DNAH1: variants seen among roughly 807,000 people sequenced by gnomAD.
DNAH1 encodes the protein axonemal beta dynein heavy chain 1.
A neutral mutation model predicts 484.3 loss-of-function variants in DNAH1; 327 were observed. The ratio of observed to expected loss-of-function variants is 0.68; its 90% CI spans 0.62 to 0.74. The LOEUF is 0.74. DNAH1 is among the 30% of genes least tolerant of loss of function. DNAH1 has a pLI of 0.00. For synonymous variants in DNAH1, 2,192 were observed against 2,191.9 expected (o/e 1.00, Z 0.00); for missense variants, 5,052 against 5,546.8 (o/e 0.91, Z 2.83).
intron 12 of DNAH1, 115 bp downstream of exon 12, chr3:52,348,089 G>A: frequency 1.8e-6 from 2 of 1,102,696 alleles, no homozygotes; most frequent in Non-Finnish European, 2.6e-6. Flanking sequence ...TGTCGGGCAG[G>A]CAGCATGCTC....
chr3:52,352,215 G>A, intron 17 of DNAH1, 112 bp downstream of exon 17: 12 of 1,407,764 alleles, frequency 8.5e-6, no homozygotes, highest in Non-Finnish European at 1.2e-5. Flanking sequence ...GTCAACATGT[G>A]ATGGGCGGGC....
At position 52,358,433 on chromosome 3, in the gene DNAH1, G is replaced by A. The variant is rs535732483; in HGVS notation, c.4087-125G>A. 1 of 1,057,722 alleles carries A rather than the reference G, an allele frequency of 9.5e-7. No homozygotes were observed. Among genetic ancestry groups the A allele is most frequent in the East Asian group, 2.7e-5 (1 of 36,516 alleles). The allele number at this position is 1,057,722 out of a possible 1,614,324, so 65.5% of individuals were successfully genotyped here. On this transcript the variant is annotated intron_variant, in intron 24 of 77. Transcript: ENST00000420323. The surrounding 1 kb of genome is among the most constrained non-coding windows in gnomAD (Gnocchi z 4.2). ...CCCAGCCAAGATAGACTCTCGGGGGGACGGGAAGGCAGGGCTTTCTTCTTG... is the reference window on the plus strand; with the variant it reads ...CCCAGCCAAGATAGACTCTCGGGGGAACGGGAAGGCAGGGCTTTCTTCTTG...
At position 52,353,876 on chromosome 3, in the gene DNAH1, T is replaced by C; in HGVS notation, c.3480+243T>C. The C allele has an allele frequency of 1.8e-6, 1 of 547,758 alleles. No individual in the cohort carries two copies. Among genetic ancestry groups the C allele is most frequent in the Non-Finnish European group, 3.2e-6 (1 of 310,834 alleles). The allele number at this position is 547,758 out of a possible 1,614,324, so 33.9% of individuals were successfully genotyped here. A position where few individuals can be genotyped will look rare whatever the true frequency, so the allele number is the denominator to read the frequency against. ...CCTCTCAAGAGCCCCAGGAAGGAGC[T>C]AATAGCATTAGCCTCAATTTAACAG... is the stretch of plus-strand genomic sequence containing the variant. On this transcript the variant is annotated intron_variant, in intron 20 of 77. Transcript: ENST00000420323. The surrounding 1 kb of genome is among the most constrained non-coding windows in gnomAD (Gnocchi z 5.0).
At chr3:52,346,823 G>C in intron 11 of DNAH1, 53 bp downstream of exon 11, 2 of 1,546,224 alleles carry the variant, frequency 1.3e-6, no homozygotes, top group Non-Finnish European at 1.8e-6. Flanking sequence ...TGTGTCACCT[G>C]CTGGGGATGG....
Position 52,364,497 on chromosome 3 carries a change from G to A in DNAH1, c.5245-141G>A. ...GCACCTGCCCAGGCTGGGCATGTAGGTGGTCCCAGCAGGTCTGCAAGGGAA... is the reference window on the plus strand; with the variant it reads ...GCACCTGCCCAGGCTGGGCATGTAGATGGTCCCAGCAGGTCTGCAAGGGAA... On this transcript the variant is annotated intron_variant, in intron 32 of 77. Coordinates refer to ENST00000420323, the MANE Select transcript of DNAH1 (RefSeq NM_015512.5). The surrounding 1 kb of genome is among the most constrained non-coding windows in gnomAD (Gnocchi z 4.2). 1.1e-6 allele frequency: 1 copy of A among 918,904 alleles called. No individual in the cohort carries two copies. The highest frequency in any genetic ancestry group is 1.7e-6 in the Non-Finnish European group (1 of 575,652). The allele number at this position is 918,904 out of a possible 1,614,324, so 56.9% of individuals were successfully genotyped here.
intron 73 of DNAH1, 102 bp from the exon 74 acceptor site, chr3:52,397,603 CAA>C: frequency 9.2e-7 from 1 of 1,087,006 alleles, no homozygotes; most frequent in South Asian, 1.6e-5. Flanking sequence ...GCAGGAGTGA[CAA>C]GTGGGGAATG....
At chr3:52,370,339 A>G (rs541221016) in intron 39 of DNAH1, 110 bp downstream of exon 39, 31 of 1,539,144 alleles carry the variant, frequency 2.0e-5, no homozygotes, top group Non-Finnish European at 2.7e-5. Flanking sequence ...ATGGTGCAAC[A>G]TGGACAAGAC....
At chr3:52,328,885 G>A (rs1044506162) in intron 6 of DNAH1, among the ~76,000 whole-genome samples, 1 of 152,258 alleles carries the variant, frequency 6.6e-6, no homozygotes, top group African/African-American at 2.4e-5. Context: ...GATGCTGTGA[G>A]TTGGGAGTGG....
intron 55 of DNAH1, 39 bp downstream of exon 55, chr3:52,386,384 G>A (rs1310396149): frequency 6.6e-7 from 1 of 1,522,978 alleles, no homozygotes; most frequent in Non-Finnish European, 8.8e-7. Flanking sequence ...CCTCTCATAT[G>A]CCTCTGTCCT....
chr3:52,390,389 C>G (rs1357478336), intron 60 of DNAH1, among the ~76,000 whole-genome samples: 3 of 152,188 alleles, frequency 2.0e-5, no homozygotes, highest in Admixed American at 2.0e-4. Context: ...CACCTGAACC[C>G]AGGAGGTGGA....
Position 52,393,360 on chromosome 3 carries a change from A to G in DNAH1, c.10501A>G (p.Ile3501Val), listed in dbSNP as rs565220060. ...ADNLKKRISNINRYLTYSLYS... is the reference protein window; with the variant it reads ...ADNLKKRISNVNRYLTYSLYS... ...CAACCTGAAGAAGCGCATCTCCAAC[A>G]TCAACCGCTACCTGACCTACAGCCT... The change falls in exon 66 of 78, where the codon ATC becomes GTC. Residue 3501 changes from isoleucine to valine, a missense_variant. Transcript: ENST00000420323. 187 of 1,613,880 alleles carry G rather than the reference A, an allele frequency of 1.2e-4. 1 individual carries two copies. The South Asian group carries it at 1.7e-3, about 15-fold the overall frequency.
rs1442255017 is a variant in DNAH1 at position 52,391,443 on chromosome 3, A to G, written c.9892A>G (p.Thr3298Ala). The change falls in exon 63 of 78, where the codon ACG becomes GCG. Residue 3298 changes from threonine to alanine, a missense_variant and splice_region_variant. Physicochemically the swap from Thr to Ala is moderately conservative, Grantham distance 58 (BLOSUM62 0). Transcript: ENST00000420323. The stretch of plus-strand genomic sequence containing the variant: ...TACCCACCGGTCCCACCCACCACAG[A>G]CGTACAAGCAGCAGGGAAACACGGT... ...PALEPVLLKQ[T>A]YKQQGNTVLK... 3 of 1,608,954 alleles carry G rather than the reference A, an allele frequency of 1.9e-6. No individual in the cohort carries two copies. Among genetic ancestry groups the G allele is most frequent in the Non-Finnish European group, 2.5e-6 (3 of 1,177,688 alleles).
chr3:52,310,969 G>A, the DNAH1 span, among the ~76,000 whole-genome samples: 5 of 152,218 alleles, frequency 3.3e-5, no homozygotes, highest in Non-Finnish European at 7.3e-5. Context: ...CAATGAGCTG[G>A]TGTTGTGCAG....
chr3:52,333,291 A>C (rs965854919), intron 8 of DNAH1, among the ~76,000 whole-genome samples: 10 of 152,222 alleles, frequency 6.6e-5, no homozygotes, highest in Admixed American at 2.0e-4. Context: ...CACAGCAGAC[A>C]GATCTGGGAA....
At chr3:52,329,629 C>T (rs933826075) in intron 6 of DNAH1, among the ~76,000 whole-genome samples, 8 of 152,018 alleles carry the variant, frequency 5.3e-5, no homozygotes, top group Non-Finnish European at 1.2e-4. Context: ...AGTTCAAGAC[C>T]AGCCTGAACA....
intron 8 of DNAH1, among the ~76,000 whole-genome samples, chr3:52,339,409 CTTAA>C (rs1322918685): frequency 6.6e-6 from 1 of 151,988 alleles, no homozygotes; most frequent in Non-Finnish European, 1.5e-5. Context: ...TTTCCTTGAG[CTTAA>C]TTAAGTCTCT....
intron 56 of DNAH1, among the ~76,000 whole-genome samples, 186 bp from the exon 57 acceptor site, chr3:52,387,981 G>A (rs1296998780): frequency 6.6e-6 from 1 of 152,152 alleles, no homozygotes; most frequent in Admixed American, 6.5e-5. Flanking sequence ...AAATCCTGGG[G>A]ACCAAAGATT....
Position 52,347,854 on chromosome 3 carries a change from C to A in DNAH1, c.1986C>A (p.Asp662Glu). Residue 662 changes from aspartate (D) to glutamate (E), a missense_variant, in exon 12 of 78, where the codon GAC (aspartate) becomes GAA (glutamate). Transcript: ENST00000420323. The part of the protein sequence containing the change: ...RPRKNPLFIM[D>E]LVLDSSGVHY... ...GGAAGAATCCCCTGTTCATCATGGACCTGGTGCTGGACAGCTCTGGGGTGC... is the reference window on the plus strand; with the variant it reads ...GGAAGAATCCCCTGTTCATCATGGAACTGGTGCTGGACAGCTCTGGGGTGC... 1 of 1,600,502 alleles carries A rather than the reference C, an allele frequency of 6.2e-7. No homozygotes were observed. Among genetic ancestry groups the A allele is most frequent in the Non-Finnish European group, 8.5e-7 (1 of 1,172,974 alleles).
At chr3:52,369,067 C>T in intron 37 of DNAH1, 149 bp downstream of exon 37, 2 of 895,634 alleles carry the variant, frequency 2.2e-6, no homozygotes, top group Non-Finnish European at 3.3e-6. Context: ...CAAGAGCCCT[C>T]CTGCTAGCAG....
Sources: gnomAD v4.1 joint callset for allele counts (sites outside exome capture counted in the v4.1 genomes callset) on GRCh38, gnomAD v4.1.1 for gene constraint, Gnocchi (gnomAD v3.1) non-coding constraint, MANE v1.5 for transcripts, NCBI Gene and HGNC (gene_info 2026-07-23, HGNC 2026-07-21) for gene names.